ZSWIM6: variants seen among roughly 807,000 people sequenced by gnomAD.
ZSWIM6 encodes the protein zinc finger SWIM domain-containing protein 6.
ZSWIM6 carries 9 observed loss-of-function variants against 113.2 expected under a neutral mutation model. The observed-to-expected ratio is 0.08, with a 90% CI of 0.05 to 0.14. The LOEUF is 0.14. Among genes scored for constraint, ZSWIM6 ranks in the 10% least tolerant of loss-of-function variants. ZSWIM6 has a pLI of 1.00. For missense variants in ZSWIM6, 1,162 were observed against 1,552.2 expected (o/e 0.75, Z 4.22); for synonymous variants, 611 against 606.5 (o/e 1.01, Z -0.11).
rs1047905668 is a variant in ZSWIM6 at position 61,369,677 on chromosome 5, A to G, written c.676+36729A>G. ...TTATGATGATCCTGACTGACGGGGC[A>G]TTAGTTTTTCCCCTTGTATACCTCC... On this transcript the variant is annotated intron_variant, in intron 1 of 13. Coordinates refer to ENST00000252744, the MANE Select transcript of ZSWIM6 (RefSeq NM_020928.2). Among the ~76,000 whole-genome samples the G allele has an allele frequency of 2.6e-5, 4 of 152,190 alleles. No individual in the cohort carries two copies. The East Asian group carries it at 7.7e-4, about 29-fold the overall frequency.
intron 1 of ZSWIM6, among the ~76,000 whole-genome samples, chr5:61,340,945 A>G (rs1744531928): frequency 6.6e-6 from 1 of 152,378 alleles, no homozygotes; most frequent in Middle Eastern, 3.4e-3. Context: ...GTTTGAGATT[A>G]AAGTTCAGAA....
chr5:61,521,917 A>G (rs962379459), intron 5 of ZSWIM6, among the ~76,000 whole-genome samples: 14 of 152,136 alleles, frequency 9.2e-5, no homozygotes, highest in Non-Finnish European at 1.8e-4. Flanking sequence ...TTATGACTCG[A>G]CTGAAGGACA....
chr5:61,344,522 T>C (rs1016028806), intron 1 of ZSWIM6, among the ~76,000 whole-genome samples: 1 of 152,234 alleles, frequency 6.6e-6, no homozygotes, highest in Admixed American at 6.5e-5. Context: ...CCTCTGTCCT[T>C]TCCTTTCTTG....
intron 11 of ZSWIM6, among the ~76,000 whole-genome samples, 175 bp downstream of exon 11, chr5:61,539,146 C>T (rs947467897): frequency 6.6e-6 from 1 of 152,200 alleles, no homozygotes; most frequent in East Asian, 1.9e-4. Flanking sequence ...TCCTCATTTA[C>T]CTGCATCATT....
At chr5:61,354,475 A>G (rs1561204175) in intron 1 of ZSWIM6, among the ~76,000 whole-genome samples, 1 of 152,236 alleles carries the variant, frequency 6.6e-6, no homozygotes, top group Non-Finnish European at 1.5e-5. Flanking sequence ...AAATAACTGT[A>G]TGCCTTAGGT....
At chr5:61,393,781 C>A (rs542466627) in intron 1 of ZSWIM6, among the ~76,000 whole-genome samples, 1 of 151,876 alleles carries the variant, frequency 6.6e-6, no homozygotes, top group South Asian at 2.1e-4. Flanking sequence ...TACTGTGCAT[C>A]CAGTAGGGCA....
chr5:61,381,161 G>A (rs1345347063), intron 1 of ZSWIM6, among the ~76,000 whole-genome samples: 1 of 152,210 alleles, frequency 6.6e-6, no homozygotes, highest in Non-Finnish European at 1.5e-5. Context: ...GCTGAGGCAG[G>A]AGAATCACTT....
intron 1 of ZSWIM6, among the ~76,000 whole-genome samples, chr5:61,441,860 G>A (rs1746841682): frequency 6.6e-6 from 1 of 152,160 alleles, no homozygotes; most frequent in Non-Finnish European, 1.5e-5. Flanking sequence ...GTTTGGTCTA[G>A]GTGCTGCTGC....
At chr5:61,339,322 C>T (rs1744482609) in intron 1 of ZSWIM6, among the ~76,000 whole-genome samples, 1 of 152,098 alleles carries the variant, frequency 6.6e-6, no homozygotes, top group Non-Finnish European at 1.5e-5. Flanking sequence ...GGGAGAATCG[C>T]TTGAACCTGG....
At chr5:61,369,106 C>A (rs534045826) in intron 1 of ZSWIM6, among the ~76,000 whole-genome samples, 2 of 152,296 alleles carry the variant, frequency 1.3e-5, no homozygotes, top group African/African-American at 4.8e-5. Context: ...TTCATTGGTG[C>A]TTTTAGTGTG....
intron 4 of ZSWIM6, among the ~76,000 whole-genome samples, chr5:61,501,054 G>A (rs1748451981): frequency 6.6e-6 from 1 of 152,112 alleles, no homozygotes; most frequent in Non-Finnish European, 1.5e-5. Context: ...ACAGAGGATT[G>A]GTCAATTGTA....
At chr5:61,371,909 A>T (rs1490410981) in intron 1 of ZSWIM6, among the ~76,000 whole-genome samples, 1 of 152,228 alleles carries the variant, frequency 6.6e-6, no homozygotes, top group Non-Finnish European at 1.5e-5. Flanking sequence ...CAGATTGGAC[A>T]TTAAGCACAT....
intron 9 of ZSWIM6, among the ~76,000 whole-genome samples, chr5:61,532,190 C>T (rs1028640863): frequency 2.6e-5 from 4 of 152,144 alleles, no homozygotes; most frequent in South Asian, 2.1e-4. Context: ...CGCTAACAAA[C>T]GACTGAGGGC....
At chr5:61,425,901 C>G (rs1746454897) in intron 1 of ZSWIM6, among the ~76,000 whole-genome samples, 1 of 152,192 alleles carries the variant, frequency 6.6e-6, no homozygotes, top group South Asian at 2.1e-4. Flanking sequence ...CAGCTAGGAA[C>G]TTCGAACGTT....
chr5:61,536,119 A>C (rs1749566392), intron 10 of ZSWIM6, among the ~76,000 whole-genome samples: 1 of 152,226 alleles, frequency 6.6e-6, no homozygotes, highest in Non-Finnish European at 1.5e-5. Context: ...TGGGACGTGC[A>C]TTTAGCAGTG....
intron 1 of ZSWIM6, among the ~76,000 whole-genome samples, chr5:61,443,808 A>G (rs1236308856): frequency 6.6e-6 from 1 of 152,128 alleles, no homozygotes; most frequent in Non-Finnish European, 1.5e-5. Flanking sequence ...AAAATCTTTT[A>G]TTATCATTAC....
At chr5:61,466,027 G>C (rs1007575075) in intron 1 of ZSWIM6, among the ~76,000 whole-genome samples, 1 of 152,146 alleles carries the variant, frequency 6.6e-6, no homozygotes, top group Non-Finnish European at 1.5e-5. Context: ...GAAAATTATG[G>C]AGTTGAAAAG....
intron 1 of ZSWIM6, among the ~76,000 whole-genome samples, chr5:61,346,727 C>A (rs1313845884): frequency 6.6e-6 from 1 of 152,126 alleles, no homozygotes; most frequent in African/African-American, 2.4e-5. Context: ...CTTGTCAGAG[C>A]AGTTTCTTTG....
At chr5:61,375,389 G>T (rs1329646898) in intron 1 of ZSWIM6, 1 of 1,571,630 alleles carries the variant, frequency 6.4e-7, no homozygotes, top group African/African-American at 1.4e-5. Flanking sequence ...AAAAGACAGA[G>T]AAAGAAAAAA....
Sources: gnomAD v4.1 joint callset for allele counts (sites outside exome capture counted in the v4.1 genomes callset) on GRCh38, gnomAD v4.1.1 for gene constraint, MANE v1.5 for transcripts, NCBI Gene and HGNC (gene_info 2026-07-23, HGNC 2026-07-21) for gene names.